Variants in ACKR2 observed in about 807,000 individuals in gnomAD.
ACKR2 encodes the protein atypical chemokine receptor 2, also known as C-C chemokine receptor D6.
For missense variants in ACKR2, 457 were observed against 477.3 expected (o/e 0.96, Z 0.40); for synonymous variants, 207 against 192.2 (o/e 1.08, Z -0.64).
chr3:42,828,903 G>A (rs4396867), intron 2 of ACKR2, among the ~76,000 whole-genome samples: 33,059 of 152,098 alleles, frequency 0.22, 4,475 homozygotes, highest in Non-Finnish European at 0.31. Context: ...GCCCATAGTT[G>A]TATATATTAG....
At chr3:42,864,361 A>G (rs2125626319) in intron 2 of ACKR2, 105 bp from the exon 3 acceptor site, 3 of 977,118 alleles carry the variant, frequency 3.1e-6, no homozygotes, top group Non-Finnish European at 2.9e-6. Flanking sequence ...GACTGCAGGT[A>G]CTGATGTAGA....
intron 1 of ACKR2, among the ~76,000 whole-genome samples, chr3:42,809,760 G>T (rs1700675763): frequency 6.6e-6 from 1 of 152,002 alleles, no homozygotes; most frequent in Non-Finnish European, 1.5e-5. Context: ...TACTCAGGAG[G>T]CTAAGGCAGG....
intron 1 of ACKR2, among the ~76,000 whole-genome samples, chr3:42,810,841 G>A (rs1038710985): frequency 2.0e-5 from 3 of 152,206 alleles, no homozygotes; most frequent in African/African-American, 7.2e-5. Context: ...TTGTAAGGGT[G>A]ATTCCTAACA....
intron 1 of ACKR2, among the ~76,000 whole-genome samples, chr3:42,815,023 T>C (rs1308881222): frequency 6.6e-6 from 1 of 152,150 alleles, no homozygotes; most frequent in Non-Finnish European, 1.5e-5. Context: ...AGGCAAACAT[T>C]TGTGACTAGA....
chr3:42,828,092 A>ATATATATATTTTTTTTTTTTTTTTTT (rs1193533555), intron 2 of ACKR2, among the ~76,000 whole-genome samples: 1 of 121,902 alleles, frequency 8.2e-6, no homozygotes, highest in Non-Finnish European at 1.7e-5. Flanking sequence ...ATATATATAT[A>ATATATATATTTTTTTTTTTTTTTTTT]TTTTTTTTTT....
chr3:42,864,677 T>C lies in ACKR2; in HGVS notation c.175T>C (p.Leu59=). 1 of 1,614,202 alleles carries C rather than the reference T, an allele frequency of 6.2e-7. No individual in the cohort carries two copies. The highest frequency in any genetic ancestry group is 8.5e-7 in the Non-Finnish European group (1 of 1,180,046). Residue 59 remains leucine (L), a synonymous_variant, in exon 3 of 3, where the codon TTG becomes CTG. Coordinates refer to ENST00000422265, the MANE Select transcript of ACKR2 (RefSeq NM_001296.5). ...LPVFYSLIFV[L]GLSGNLLLLM... ...AGTCTTCTATAGCCTGATTTTTGTG[T>C]TGGGCCTCAGCGGGAACCTCCTTCT...
Position 42,864,565 on chromosome 3 carries a change from C to T in ACKR2, c.63C>T (p.Ser21=). The T allele has an allele frequency of 6.2e-7, 1 of 1,613,956 alleles. No individual in the cohort carries two copies. ...ATEDADSENS[S]FYYYDYLDEV... is the part of the protein sequence containing the mutation. Reference sequence around the variant, plus strand: ...AGGATGCCGATTCTGAGAATAGCAGCTTCTATTACTATGACTACCTGGATG... The same window carrying T: ...AGGATGCCGATTCTGAGAATAGCAGTTTCTATTACTATGACTACCTGGATG... The change falls in exon 3 of 3, where the codon AGC becomes AGT. Residue 21 remains serine (S), a synonymous_variant. Transcript: ENST00000422265.
intron 2 of ACKR2, among the ~76,000 whole-genome samples, chr3:42,842,821 A>G (rs1701052743): frequency 4.6e-5 from 7 of 151,780 alleles, no homozygotes; most frequent in Admixed American, 4.6e-4. Flanking sequence ...CATCTCTACT[A>G]AAAATACAAA....
chr3:42,811,448 C>T (rs1207697463), intron 1 of ACKR2, among the ~76,000 whole-genome samples: 1 of 152,200 alleles, frequency 6.6e-6, no homozygotes, highest in Admixed American at 6.5e-5. Context: ...CGCCATTCTC[C>T]ATTCTCGATT....
chr3:42,845,878 A>G (rs368731913), intron 2 of ACKR2, among the ~76,000 whole-genome samples: 2 of 151,228 alleles, frequency 1.3e-5, no homozygotes, highest in East Asian at 3.9e-4. Flanking sequence ...AAAAAGAAAA[A>G]AAGAAAACAA....
At chr3:42,823,012 G>A (rs1359025768) in intron 2 of ACKR2, among the ~76,000 whole-genome samples, 5 of 151,758 alleles carry the variant, frequency 3.3e-5, no homozygotes, top group Admixed American at 2.6e-4. Flanking sequence ...CAATCATTAC[G>A]CTCACTCCAG....
At chr3:42,831,453 G>A (rs1486250576) in intron 2 of ACKR2, among the ~76,000 whole-genome samples, 1 of 152,204 alleles carries the variant, frequency 6.6e-6, no homozygotes, top group Non-Finnish European at 1.5e-5. Flanking sequence ...GCGCTGGAGG[G>A]CTAATTTCAT....
chr3:42,828,092 A>ATTTTTTTTT (rs71072742), intron 2 of ACKR2, among the ~76,000 whole-genome samples: 5 of 121,902 alleles, frequency 4.1e-5, no homozygotes, highest in Non-Finnish European at 5.0e-5. Flanking sequence ...ATATATATAT[A>ATTTTTTTTT]TTTTTTTTTT....
intron 2 of ACKR2, among the ~76,000 whole-genome samples, chr3:42,838,446 C>T (rs1013091597): frequency 2.0e-5 from 3 of 152,210 alleles, no homozygotes; most frequent in East Asian, 1.9e-4. Flanking sequence ...TATGAAAATA[C>T]GTTCAATGTC....
At chr3:42,848,103 A>G (rs1444268770) in intron 2 of ACKR2, among the ~76,000 whole-genome samples, 1 of 152,006 alleles carries the variant, frequency 6.6e-6, no homozygotes, top group African/African-American at 2.4e-5. Flanking sequence ...AGGATGAGAC[A>G]ATTTGAACAG....
At chr3:42,833,808 A>G (rs547145723) in intron 2 of ACKR2, among the ~76,000 whole-genome samples, 19 of 152,244 alleles carry the variant, frequency 1.2e-4, no homozygotes, top group Non-Finnish European at 2.2e-4. Flanking sequence ...AGATAAACAT[A>G]TTAGTGATTA....
chr3:42,828,088 A>ATTTTTTTTTTTTT (rs1313372905), intron 2 of ACKR2, among the ~76,000 whole-genome samples: 1 of 93,040 alleles, frequency 1.1e-5, no homozygotes, highest in African/African-American at 4.5e-5. Context: ...ATATATATAT[A>ATTTTTTTTTTTTT]TATATTTTTT....
intron 2 of ACKR2, among the ~76,000 whole-genome samples, chr3:42,849,143 T>A (rs983054545): frequency 4.0e-5 from 6 of 151,898 alleles, no homozygotes; most frequent in African/African-American, 1.5e-4. Flanking sequence ...AATAGTATCA[T>A]GTCAATGTTA....
rs991321903 is a variant in ACKR2, at chr3:42,865,917, T to C, written c.*260T>C. The C allele has an allele frequency of 1.9e-5, 8 of 429,596 alleles. No homozygotes were observed. 26.6% of individuals were successfully genotyped at this position (429,596 alleles called of 1,614,324 possible). A position where few individuals can be genotyped will look rare whatever the true frequency, so the allele number is the denominator to read the frequency against. ...TTGCTTCCTTCCTTCCTTCCTTCCCTCTCTCCCTCCCTCCCTCCCTCGCTT... is the reference window on the plus strand; with the variant it reads ...TTGCTTCCTTCCTTCCTTCCTTCCCCCTCTCCCTCCCTCCCTCCCTCGCTT... On this transcript the variant is annotated 3_prime_UTR_variant, in exon 3 of 3. Transcript: ENST00000422265.
Sources: allele counts gnomAD v4.1 joint callset (sites outside exome capture counted in the v4.1 genomes callset), GRCh38; gene constraint gnomAD v4.1.1; transcripts MANE v1.5; gene names NCBI Gene and HGNC (gene_info 2026-07-23, HGNC 2026-07-21).